The following HECTD4 variants were observed in gnomAD, a reference collection of about 807,000 sequenced individuals.
The protein encoded by HECTD4 is probable E3 ubiquitin-protein ligase HECTD4.
Under a neutral mutation model 471.5 loss-of-function variants are expected in HECTD4, and 114 were observed. The observed-to-expected ratio is 0.24, with a 90% CI of 0.21 to 0.28. The LOEUF (loss-of-function observed/expected upper bound fraction) is 0.28. Ranked by LOEUF, HECTD4 falls within the 10% of genes least tolerant of loss-of-function variation. The probability of loss-of-function intolerance (pLI) is 1.00; values close to 1 mark genes in which losing one functional copy is unlikely to be tolerated. For synonymous variants in HECTD4, 2,012 were observed against 2,256.0 expected (o/e 0.89, Z 3.07); for missense variants, 3,866 against 5,651.5 (o/e 0.68, Z 10.13).
At position 112,177,071 on chromosome 12, in the gene HECTD4, T is replaced by C. The variant is rs567165296; in HGVS notation, c.11364-369A>G. ...CTGTTCACCCTTGCCACACTGCAAA[T>C]GCCCCATAGCCAGTTGTGGTTAGGG... On this transcript the variant is annotated intron_variant, in intron 64 of 75. Coordinates refer to ENST00000682272, the MANE Select transcript of HECTD4 (RefSeq NM_001388303.1). Among the ~76,000 whole-genome samples the C allele has an allele frequency of 1.5e-4, 23 of 152,312 alleles. No homozygotes were observed. The South Asian group carries it at 4.8e-3, about 32-fold the overall frequency.
In HECTD4 at chr12:112,319,719, G is replaced by A. The variant is rs2035548008; in HGVS notation, c.201C>T (p.Asn67=). Residue 67 remains asparagine, a synonymous_variant, in exon 2 of 76, where the codon AAC becomes AAT. Transcript: ENST00000682272. This position sits in a 1 kb window ranked among gnomAD's most constrained non-coding sequence, Gnocchi z 5.3. ...DLEILTFETK[N]PSELAERLRS... Reference sequence around the variant, plus strand: ...GCAAACGTTCTGCTAATTCCGACGGGTTCTTGGTCTCAAAGGTTAAAATCT... The same window carrying A: ...GCAAACGTTCTGCTAATTCCGACGGATTCTTGGTCTCAAAGGTTAAAATCT... The A allele has an allele frequency of 2.4e-6, 3 of 1,247,788 alleles. No individual in the cohort carries two copies. The highest frequency in any genetic ancestry group is 6.1e-5 in the East Asian group (2 of 32,672). 77.3% of individuals were successfully genotyped at this position (1,247,788 alleles called of 1,614,324 possible). A position where few individuals can be genotyped will look rare whatever the true frequency, so the allele number is the denominator to read the frequency against.
At chr12:112,360,343 G>C (rs545508012) in intron 1 of HECTD4, among the ~76,000 whole-genome samples, 3 of 151,960 alleles carry the variant, frequency 2.0e-5, no homozygotes, top group Non-Finnish European at 4.4e-5. Context: ...GTAAATAAAT[G>C]AATAAAATGT....
At chr12:112,279,003 T>C (rs899423489) in intron 9 of HECTD4, among the ~76,000 whole-genome samples, 1 of 152,254 alleles carries the variant, frequency 6.6e-6, no homozygotes, top group Middle Eastern at 3.2e-3. Context: ...ATTATTTCTA[T>C]TAATTTTATA....
chr12:112,353,711 C>T (rs1198401294), intron 1 of HECTD4, among the ~76,000 whole-genome samples: 3 of 152,154 alleles, frequency 2.0e-5, no homozygotes, highest in Non-Finnish European at 4.4e-5. Context: ...ACAACCAGAT[C>T]CTTTCATGCA....
chr12:112,283,597 T>C (rs1366401999), intron 7 of HECTD4, among the ~76,000 whole-genome samples: 5 of 152,234 alleles, frequency 3.3e-5, no homozygotes, highest in Non-Finnish European at 7.3e-5. Flanking sequence ...ATTACATGCC[T>C]CTGACAGGTT....
chr12:112,365,872 C>A (rs1001768553), intron 1 of HECTD4, among the ~76,000 whole-genome samples: 2 of 148,002 alleles, frequency 1.4e-5, no homozygotes, highest in Non-Finnish European at 3.0e-5. Flanking sequence ...GCCTTCTGGG[C>A]TCAAGTGATC....
chr12:112,375,913 A>C (rs1035136244), intron 1 of HECTD4, among the ~76,000 whole-genome samples: 7 of 150,200 alleles, frequency 4.7e-5, no homozygotes, highest in Non-Finnish European at 7.4e-5. Context: ...TACTAAAAAT[A>C]CAAAAAAAAA....
chr12:112,200,720 A>G lies in HECTD4; in HGVS notation c.8485T>C (p.Leu2829=). 9 of 1,613,964 alleles carry G rather than the reference A, an allele frequency of 5.6e-6. No homozygotes were observed. The highest frequency in any genetic ancestry group is 1.3e-5 in the African/African-American group (1 of 75,030). ...CGGTAGCCTGCTGGGGGCCTTTCCA[A>G]CATGTCAATAGGATACCAGTATCGC... ...LVRYWYPIDM[L]ERPPAGYRRT... Residue 2829 remains leucine (L), a synonymous_variant, in exon 55 of 76, where the codon TTG becomes CTG. Coordinates refer to ENST00000682272, the MANE Select transcript of HECTD4 (RefSeq NM_001388303.1).
intron 60 of HECTD4, among the ~76,000 whole-genome samples, chr12:112,186,490 G>A (rs1427456032): frequency 6.8e-6 from 1 of 147,488 alleles, no homozygotes; most frequent in East Asian, 2.0e-4. Context: ...GCTCCTACCA[G>A]CATGCCCAGT....
rs116908685 is a variant in HECTD4, at chr12:112,305,486, C to T, written c.1335+578G>A. 8.1e-4 allele frequency among the ~76,000 whole-genome samples: 124 copies of T among 152,212 alleles called. No homozygotes were observed. In the East Asian group the frequency reaches 0.018, roughly 22 times the overall value. ...ATGACTACTTTTCCTTCACTAATTA[C>T]GATTATCTCGTGCGCTTATTTGCTC... On this transcript the variant is annotated intron_variant, in intron 7 of 75. Transcript: ENST00000682272.
At chr12:112,232,409 C>T (rs369085636) in intron 38 of HECTD4, among the ~76,000 whole-genome samples, 4 of 152,208 alleles carry the variant, frequency 2.6e-5, no homozygotes, top group African/African-American at 7.2e-5. Context: ...GGATTACAGG[C>T]GTGAGCCACA....
At chr12:112,376,241 ATTC>A (rs1332662354) in intron 1 of HECTD4, among the ~76,000 whole-genome samples, 1 of 151,720 alleles carries the variant, frequency 6.6e-6, no homozygotes, top group African/African-American at 2.4e-5. Context: ...CTCACTCTGC[ATTC>A]TTTTTTTTTG....
chr12:112,186,321 T>G (rs1354325985), intron 60 of HECTD4, among the ~76,000 whole-genome samples: 1 of 149,378 alleles, frequency 6.7e-6, no homozygotes, highest in African/African-American at 2.5e-5. Flanking sequence ...TTTTTTTTTT[T>G]TTTAATTATT....
intron 7 of HECTD4, among the ~76,000 whole-genome samples, chr12:112,303,418 C>T (rs1168925106): frequency 1.3e-5 from 2 of 152,164 alleles, no homozygotes; most frequent in African/African-American, 4.8e-5. Flanking sequence ...CACTCTCCAT[C>T]TTATCTTCTA....
At chr12:112,174,784 A>C (rs979979686) in intron 66 of HECTD4, among the ~76,000 whole-genome samples, 3 of 150,992 alleles carry the variant, frequency 2.0e-5, no homozygotes, top group African/African-American at 7.3e-5. Context: ...GGCTGGTCTC[A>C]AGCTCCTGAC....
intron 1 of HECTD4, among the ~76,000 whole-genome samples, chr12:112,365,402 T>C (rs2036537602): frequency 6.6e-6 from 1 of 152,130 alleles, no homozygotes; most frequent in African/African-American, 2.4e-5. Context: ...TCTCTAAAAA[T>C]GTAAATTAAA....
intron 62 of HECTD4, 33 bp downstream of exon 62, chr12:112,183,026 A>T (rs2031733555): frequency 1.3e-6 from 2 of 1,521,136 alleles, no homozygotes; most frequent in Non-Finnish European, 1.8e-6. Flanking sequence ...CTCCACAAAA[A>T]GTCTACAGAT....
chr12:112,235,371 T>TTC lies in HECTD4; in HGVS notation c.5726-107_5726-106dup. 1 of 1,488,984 alleles carries TTC rather than the reference T, an allele frequency of 6.7e-7. No homozygotes were observed. The highest frequency in any genetic ancestry group is 9.1e-7 in the Non-Finnish European group (1 of 1,103,114). 92.2% of individuals were successfully genotyped at this position (1,488,984 alleles called of 1,614,324 possible). A position where few individuals can be genotyped will look rare whatever the true frequency, so the allele number is the denominator to read the frequency against. On this transcript the variant is annotated intron_variant, in intron 36 of 75. Transcript: ENST00000682272. The surrounding 1 kb of genome is among the most constrained non-coding windows in gnomAD (Gnocchi z 5.0). ...TGGGATTTGGAATCTTTCTTCCCCC[T>TTC]TCTCTATTCCTGTCCCCGCTCCCTT...
At chr12:112,280,989 C>T (rs1024424877) in intron 8 of HECTD4, among the ~76,000 whole-genome samples, 1 of 151,990 alleles carries the variant, frequency 6.6e-6, no homozygotes, top group African/African-American at 2.4e-5. Flanking sequence ...TGGGGTTTCA[C>T]CATGTTGGCC....
Sources: gnomAD v4.1 joint callset for allele counts (sites outside exome capture counted in the v4.1 genomes callset) on GRCh38, gnomAD v4.1.1 for gene constraint, Gnocchi (gnomAD v3.1) non-coding constraint, MANE v1.5 for transcripts, NCBI Gene and HGNC (gene_info 2026-07-23, HGNC 2026-07-21) for gene names.